Variants in RALA observed in about 807,000 individuals in gnomAD.
RALA encodes RAS like proto-oncogene A.
RALA carries 5 observed loss-of-function variants against 24.0 expected under a neutral mutation model. The observed-to-expected ratio is 0.21, with a 90% CI of 0.11 to 0.44. The LOEUF (loss-of-function observed/expected upper bound fraction) is 0.44, where lower values mean the gene tolerates loss of function less well. Among genes scored for constraint, RALA ranks in the 20% least tolerant of loss-of-function variants. The pLI, the probability that RALA is intolerant of heterozygous loss-of-function variation, is 0.99. For missense variants in RALA, 95 were observed against 241.2 expected (o/e 0.39, Z 4.01); for synonymous variants, 77 against 83.8 (o/e 0.92, Z 0.44).
chr7:39,697,971 G>GTA (rs1554298435), intron 4 of RALA, among the ~76,000 whole-genome samples: 32 of 149,464 alleles, frequency 2.1e-4, no homozygotes, highest in South Asian at 8.6e-4. Context: ...GTGTGTGTGT[G>GTA]TGTATGTGTG....
intron 3 of RALA, among the ~76,000 whole-genome samples, chr7:39,695,890 A>C (rs1457913082): frequency 1.3e-5 from 2 of 152,220 alleles, no homozygotes; most frequent in Admixed American, 1.3e-4. Flanking sequence ...GATTTTACAA[A>C]AAAACATTTC....
rs551012083 is a variant in RALA, at chr7:39,639,293, T to C, written c.-38+15468T>C. Among the ~76,000 whole-genome samples the C allele has an allele frequency of 5.9e-5, 9 of 152,276 alleles. 2 individuals carry two copies. The highest frequency in any genetic ancestry group is 5.9e-4 in the Admixed American group (9 of 15,298). On this transcript the variant is annotated intron_variant, in intron 1 of 4. Coordinates refer to ENST00000005257, the MANE Select transcript of RALA (RefSeq NM_005402.4). ...CAAGTAAGACTATTACTTAACCCAA[T>C]TTTACTCACCCAATCAGTGAGTGAC...
chr7:39,685,428 C>T (rs959128993), intron 1 of RALA, among the ~76,000 whole-genome samples: 1 of 152,140 alleles, frequency 6.6e-6, no homozygotes, highest in East Asian at 1.9e-4. Flanking sequence ...TGTTTGTGTC[C>T]GAAACAAGTC....
intron 1 of RALA, among the ~76,000 whole-genome samples, chr7:39,679,828 A>G (rs1469418823): frequency 6.6e-6 from 1 of 151,858 alleles, no homozygotes; most frequent in Non-Finnish European, 1.5e-5. Context: ...TTCCTGCCTC[A>G]GCCTCCTGAG....
Position 39,692,185 on chromosome 7 carries a change from G to A in RALA, c.323+1595G>A, listed in dbSNP as rs553151185. Among the ~76,000 whole-genome samples the A allele has an allele frequency of 2.6e-5, 4 of 152,194 alleles. 1 individual carries two copies. The South Asian group carries it at 8.3e-4, about 32-fold the overall frequency. On this transcript the variant is annotated intron_variant, in intron 3 of 4. Coordinates refer to ENST00000005257, the MANE Select transcript of RALA (RefSeq NM_005402.4). ...AGTAGCAAAAATAAATAAAACAGTAGCATAAATATCAGCTCCTCCCTTTAG... is the reference window on the plus strand; with the variant it reads ...AGTAGCAAAAATAAATAAAACAGTAACATAAATATCAGCTCCTCCCTTTAG...
chr7:39,673,322 T>C (rs1381244340), intron 1 of RALA, among the ~76,000 whole-genome samples: 2 of 152,158 alleles, frequency 1.3e-5, no homozygotes, highest in Non-Finnish European at 2.9e-5. Context: ...TATTTTTAAT[T>C]TTCATAATTA....
chr7:39,634,469 T>C (rs1791651847), intron 1 of RALA, among the ~76,000 whole-genome samples: 1 of 152,166 alleles, frequency 6.6e-6, no homozygotes, highest in Admixed American at 6.5e-5. Context: ...TTTGTTGTTG[T>C]CTTATTTCCT....
chr7:39,673,859 G>T (rs916814465), intron 1 of RALA, among the ~76,000 whole-genome samples: 1 of 151,844 alleles, frequency 6.6e-6, no homozygotes, highest in South Asian at 2.1e-4. Flanking sequence ...CCTTAAGAGG[G>T]TTGGCCAGAC....
intron 1 of RALA, among the ~76,000 whole-genome samples, chr7:39,625,784 G>A (rs527358894): frequency 6.6e-5 from 10 of 152,318 alleles, no homozygotes; most frequent in African/African-American, 2.2e-4. Flanking sequence ...TAGATGGTTG[G>A]ATTATTTTCA....
chr7:39,631,367 CT>C (rs1313762578), intron 1 of RALA, among the ~76,000 whole-genome samples: 1 of 150,048 alleles, frequency 6.7e-6, no homozygotes, highest in Non-Finnish European at 1.5e-5. Context: ...GAACTGACAT[CT>C]TTTTTTTGGA....
chr7:39,707,035 T>G lies in RALA; in HGVS notation c.*790T>G, dbSNP rs991075564. On this transcript the variant is annotated 3_prime_UTR_variant, in exon 5 of 5. Transcript: ENST00000005257. ...AAAATGTGTGCCATATTCTGGTTCT[T>G]GAAAATAAGATTCCAGAGCTCTTTG... The G allele has an allele frequency of 1.3e-5, 2 of 152,644 alleles. No individual in the cohort carries two copies. The highest frequency in any genetic ancestry group is 2.4e-5 in the African/African-American group (1 of 41,454). 9.5% of individuals were successfully genotyped at this position (152,644 alleles called of 1,614,324 possible).
intron 3 of RALA, among the ~76,000 whole-genome samples, chr7:39,692,611 A>G (rs1792841471): frequency 6.6e-6 from 1 of 151,940 alleles, no homozygotes. Context: ...CAATCTATTA[A>G]CTCTAAAAAA....
At chr7:39,670,584 A>G (rs1413708148) in intron 1 of RALA, among the ~76,000 whole-genome samples, 1 of 152,270 alleles carries the variant, frequency 6.6e-6, no homozygotes, top group Non-Finnish European at 1.5e-5. Context: ...GAATTAGCAT[A>G]GGAATATGGA....
intron 1 of RALA, among the ~76,000 whole-genome samples, chr7:39,681,337 A>G (rs1314167134): frequency 2.5e-5 from 1 of 39,336 alleles, no homozygotes; most frequent in Non-Finnish European, 6.2e-5. Context: ...TTTTTTTTTG[A>G]GACAGAGTCT....
chr7:39,639,656 A>G (rs1307978926), intron 1 of RALA, among the ~76,000 whole-genome samples: 1 of 152,164 alleles, frequency 6.6e-6, no homozygotes, highest in African/African-American at 2.4e-5. Flanking sequence ...CATTTGTCCT[A>G]TGATCATAGA....
chr7:39,680,152 C>T (rs1315087846), intron 1 of RALA, among the ~76,000 whole-genome samples: 1 of 151,972 alleles, frequency 6.6e-6, no homozygotes, highest in Admixed American at 6.6e-5. Flanking sequence ...GGCAGATCAC[C>T]TGAGGTCGGG....
At chr7:39,685,003 A>G (rs963062333) in intron 1 of RALA, among the ~76,000 whole-genome samples, 1 of 152,186 alleles carries the variant, frequency 6.6e-6, no homozygotes. Flanking sequence ...TACTAGAGGA[A>G]TACTTATACT....
chr7:39,674,819 CTTTTTTTTTT>C (rs11452061), intron 1 of RALA, among the ~76,000 whole-genome samples: 2 of 96,702 alleles, frequency 2.1e-5, no homozygotes, highest in Non-Finnish European at 3.9e-5. Context: ...TAATTTTATG[CTTTTTTTTTT>C]TTTTTTTTTT....
At chr7:39,692,015 T>G (rs2116085927) in intron 3 of RALA, among the ~76,000 whole-genome samples, 1 of 152,296 alleles carries the variant, frequency 6.6e-6, no homozygotes, top group Non-Finnish European at 1.5e-5. Context: ...ATAAGGATGA[T>G]TCATTACTCT....
Sources: allele counts gnomAD v4.1 joint callset (sites outside exome capture counted in the v4.1 genomes callset), GRCh38; gene constraint gnomAD v4.1.1; transcripts MANE v1.5; gene names NCBI Gene and HGNC (gene_info 2026-07-23, HGNC 2026-07-21).